The following ASB3 variants were observed in gnomAD, a reference collection of about 807,000 sequenced individuals.
The protein encoded by ASB3 is ankyrin repeat and SOCS box containing 3, also known as ankyrin repeat and SOCS box protein 3.
In ASB3, 41 loss-of-function variants were observed where a neutral mutation model predicts 54.5. The ratio of observed to expected loss-of-function variants is 0.75; its 90% CI spans 0.59 to 0.98. ASB3 has a LOEUF of 0.98. ASB3 is among the 50% of genes least tolerant of loss of function. ASB3 has a pLI of 0.00. For missense variants in ASB3, 733 were observed against 620.0 expected, an observed-to-expected ratio of 1.18 and a Z score of -1.94; for synonymous variants, 266 against 221.2, an observed-to-expected ratio of 1.20 and a Z score of -1.80.
chr2:53,730,696 C>T (rs1276138272), intron 3 of ASB3, among the ~76,000 whole-genome samples: 3 of 152,162 alleles, frequency 2.0e-5, no homozygotes, highest in South Asian at 2.1e-4. Flanking sequence ...TCCTCAACCT[C>T]GCCAGCACCT....
At chr2:53,771,791 G>C in intron 1 of ASB3, 1 of 711,126 alleles carries the variant, frequency 1.4e-6, no homozygotes. Context: ...TTAAGAAATA[G>C]TGCTTCTTAT....
At chr2:53,758,724 G>A (rs558404195) in intron 2 of ASB3, among the ~76,000 whole-genome samples, 1 of 152,126 alleles carries the variant, frequency 6.6e-6, no homozygotes, top group Non-Finnish European at 1.5e-5. Context: ...TGTACACCCT[G>A]GAAAGGAATA....
chr2:53,765,827 T>C (rs907384047), intron 1 of ASB3, among the ~76,000 whole-genome samples: 21 of 152,320 alleles, frequency 1.4e-4, no homozygotes, highest in Non-Finnish European at 2.6e-4. Flanking sequence ...GACTTTTAAG[T>C]GTTCTATCTT....
At chr2:53,780,261 T>A (rs565704316) in intron 1 of ASB3, among the ~76,000 whole-genome samples, 2 of 152,124 alleles carry the variant, frequency 1.3e-5, no homozygotes, top group Admixed American at 1.3e-4. Flanking sequence ...AAATTTCACT[T>A]CCCACTGACG....
At chr2:53,736,365 G>A (rs1318448914) in intron 3 of ASB3, among the ~76,000 whole-genome samples, 1 of 152,140 alleles carries the variant, frequency 6.6e-6, no homozygotes, top group Non-Finnish European at 1.5e-5. Flanking sequence ...GGTAAAAGTG[G>A]AACTATCATA....
In ASB3 at chr2:53,749,019, T is replaced by C. The variant is rs1404888715; in HGVS notation, c.355+1764A>G. Among the ~76,000 whole-genome samples, 7 of 151,792 alleles carry C rather than the reference T, an allele frequency of 4.6e-5. No homozygotes were observed. In the East Asian group the frequency reaches 1.4e-3, roughly 29 times the overall value. ...TTAATCTCAAAAGGATTAAAAAAAA[T>C]ACAAAGAAGGAAATTAAATGACAAA... On this transcript the variant is annotated intron_variant, in intron 3 of 9. Coordinates refer to ENST00000263634, the MANE Select transcript of ASB3 (RefSeq NM_016115.5).
At chr2:53,782,211 A>T (rs887155046) in intron 1 of ASB3, among the ~76,000 whole-genome samples, 3 of 152,014 alleles carry the variant, frequency 2.0e-5, no homozygotes, top group Non-Finnish European at 4.4e-5. Flanking sequence ...ACAATGGATT[A>T]CTCACTCTAT....
Position 53,716,647 on chromosome 2 carries a change from C to A in ASB3, c.701G>T (p.Ser234Ile), listed in dbSNP as rs1670410173. The A allele has an allele frequency of 1.2e-6, 2 of 1,614,196 alleles. No individual in the cohort carries two copies. The highest frequency in any genetic ancestry group is 2.2e-5 in the East Asian group (1 of 44,878). The change falls in exon 6 of 10, where the codon AGT becomes ATT. Residue 234 changes from serine (S) to isoleucine (I), a missense_variant. Physicochemically the swap from Ser to Ile is moderately radical, Grantham distance 142. Coordinates refer to ENST00000263634, the MANE Select transcript of ASB3 (RefSeq NM_016115.5). ...ACAGTAAAGATCAGGATCTGCCCCA[C>A]TGGAGAGCAAAAGCTCCACACATTT... ...HTKCVELLLSSGADPDLYCNE... is the reference protein window; with the variant it reads ...HTKCVELLLSIGADPDLYCNE...
chr2:53,783,676 A>C (rs1674778128), intron 1 of ASB3, among the ~76,000 whole-genome samples: 1 of 152,244 alleles, frequency 6.6e-6, no homozygotes, highest in South Asian at 2.1e-4. Context: ...CACTAGACAC[A>C]AAAAGCAAGA....
At chr2:53,682,011 T>A (rs1004099737) in intron 9 of ASB3, among the ~76,000 whole-genome samples, 1 of 151,818 alleles carries the variant, frequency 6.6e-6, no homozygotes, top group Non-Finnish European at 1.5e-5. Context: ...TACAAAAAAA[T>A]TAGCCAGGCA....
At chr2:53,743,976 G>A (rs1410685257) in intron 3 of ASB3, among the ~76,000 whole-genome samples, 1 of 151,364 alleles carries the variant, frequency 6.6e-6, no homozygotes, top group Non-Finnish European at 1.5e-5. Flanking sequence ...CCTGGAGGTG[G>A]AAGTTGCAGT....
intron 3 of ASB3, among the ~76,000 whole-genome samples, chr2:53,747,220 G>A (rs1370563947): frequency 1.3e-5 from 2 of 152,102 alleles, no homozygotes; most frequent in African/African-American, 4.8e-5. Context: ...GAATATCAAT[G>A]TTTCTGGAGG....
At chr2:53,747,212 A>G (rs114311053) in intron 3 of ASB3, among the ~76,000 whole-genome samples, 1,633 of 152,286 alleles carry the variant, frequency 0.011, 30 homozygotes, top group African/African-American at 0.037. Context: ...GTCCCATGGA[A>G]TATCAATGTT....
At chr2:53,672,000 A>G (rs1667847952) in intron 9 of ASB3, among the ~76,000 whole-genome samples, 1 of 152,204 alleles carries the variant, frequency 6.6e-6, no homozygotes, top group Non-Finnish European at 1.5e-5. Flanking sequence ...TTCCAGGTAT[A>G]GGGTTCTTTA....
At chr2:53,763,703 A>C (rs977250656) in intron 2 of ASB3, 1 of 167,234 alleles carries the variant, frequency 6.0e-6, no homozygotes, top group African/African-American at 2.4e-5. Flanking sequence ...CATAAACTAC[A>C]CTATTCCGAT....
intron 1 of ASB3, chr2:53,775,126 T>A (rs1302737473): frequency 1.3e-5 from 2 of 152,600 alleles, no homozygotes; most frequent in African/African-American, 4.8e-5. Flanking sequence ...CTTTTTTAAA[T>A]AAAGGCATTT....
chr2:53,750,269 G>A (rs1672445047), intron 3 of ASB3, among the ~76,000 whole-genome samples: 1 of 152,102 alleles, frequency 6.6e-6, no homozygotes. Context: ...TTGGAAGAAA[G>A]CCATTTAGAA....
intron 9 of ASB3, among the ~76,000 whole-genome samples, chr2:53,686,989 GGATTACA>G (rs1190826600): frequency 6.6e-6 from 1 of 152,194 alleles, no homozygotes; most frequent in Non-Finnish European, 1.5e-5. Context: ...CAAAGTACTG[GGATTACA>G]GGCATGAGCC....
At chr2:53,762,443 G>A (rs900251338) in intron 2 of ASB3, among the ~76,000 whole-genome samples, 2 of 152,140 alleles carry the variant, frequency 1.3e-5, no homozygotes, top group South Asian at 2.1e-4. Context: ...CTTAATCGCT[G>A]TGCTACAATG....
Sources: allele counts gnomAD v4.1 joint callset (sites outside exome capture counted in the v4.1 genomes callset), GRCh38; gene constraint gnomAD v4.1.1; transcripts MANE v1.5; gene names NCBI Gene and HGNC (gene_info 2026-07-23, HGNC 2026-07-21).